The following MSRA variants were observed in gnomAD, a reference collection of about 807,000 sequenced individuals.
MSRA encodes mitochondrial peptide methionine sulfoxide reductase.
Under a neutral mutation model 31.3 loss-of-function variants are expected in MSRA, and 54 were observed. The observed-to-expected ratio is 1.73, with a 90% CI of 1.39 to 2.17. The LOEUF is 2.17. MSRA is among the 30% of genes most tolerant of loss of function. MSRA has a pLI of 0.00. For synonymous variants in MSRA, 169 were observed against 116.5 expected (o/e 1.45, Z -2.90); for missense variants, 507 against 300.9 (o/e 1.69, Z -5.07).
intron 3 of MSRA, among the ~76,000 whole-genome samples, chr8:10,250,158 A>C (rs945378889): frequency 2.0e-5 from 3 of 152,162 alleles, no homozygotes; most frequent in Non-Finnish European, 4.4e-5. Flanking sequence ...ATGCAAACCA[A>C]CTGATTAACT....
At chr8:10,269,387 A>T (rs555418836) in intron 3 of MSRA, among the ~76,000 whole-genome samples, 227 of 152,328 alleles carry the variant, frequency 1.5e-3, no homozygotes, top group African/African-American at 5.4e-3. Context: ...ATGTCATGAT[A>T]TATAGGCCTA....
intron 1 of MSRA, among the ~76,000 whole-genome samples, chr8:10,133,132 T>C (rs1802020045): frequency 6.6e-6 from 1 of 152,196 alleles, no homozygotes; most frequent in Non-Finnish European, 1.5e-5. Flanking sequence ...GGATCAATTG[T>C]TGATGAGGTA....
intron 1 of MSRA, among the ~76,000 whole-genome samples, chr8:10,076,920 A>G (rs567022263): frequency 6.6e-6 from 1 of 151,332 alleles, no homozygotes; most frequent in East Asian, 1.9e-4. Flanking sequence ...AGAACATTAG[A>G]AAAAAAAAGC....
intron 1 of MSRA, among the ~76,000 whole-genome samples, chr8:10,143,950 G>A (rs981570129): frequency 6.6e-6 from 1 of 152,112 alleles, no homozygotes; most frequent in Admixed American, 6.5e-5. Flanking sequence ...AAGAAGCAGG[G>A]GAGACCAAGA....
chr8:10,324,657 G>A (rs1802259271), intron 5 of MSRA, among the ~76,000 whole-genome samples: 1 of 152,270 alleles, frequency 6.6e-6, no homozygotes, highest in African/African-American at 2.4e-5. Context: ...CTTAGCCTGG[G>A]TCCCACAGAA....
intron 2 of MSRA, among the ~76,000 whole-genome samples, chr8:10,238,078 A>T (rs1342951711): frequency 6.6e-6 from 1 of 152,182 alleles, no homozygotes; most frequent in Non-Finnish European, 1.5e-5. Context: ...TATCTGGCTT[A>T]TCTGATCTTT....
At chr8:10,265,862 C>A (rs1248257915) in intron 3 of MSRA, among the ~76,000 whole-genome samples, 3 of 152,216 alleles carry the variant, frequency 2.0e-5, no homozygotes, top group Non-Finnish European at 4.4e-5. Flanking sequence ...TGGAATCACA[C>A]AGATTTCTTT....
At position 10,428,251 on chromosome 8, in the gene MSRA, C is replaced by T; in HGVS notation, c.647C>T (p.Pro216Leu). ...CACCAGCAGTACCTGAGCAAGAACCCCAATGGCTACTGCGGCCTTGGGGGC... is the reference window on the plus strand; with the variant it reads ...CACCAGCAGTACCTGAGCAAGAACCTCAATGGCTACTGCGGCCTTGGGGGC... Reference protein sequence around the residue: ...DYHQQYLSKNPNGYCGLGGTG... With the variant: ...DYHQQYLSKNLNGYCGLGGTG... The change falls in exon 6 of 6, where the codon CCC becomes CTC. Residue 216 changes from proline to leucine, a missense_variant. Physicochemically the swap from Pro to Leu is moderately conservative, Grantham distance 98. Transcript: ENST00000317173. 1 of 1,614,188 alleles carries T rather than the reference C, an allele frequency of 6.2e-7. No homozygotes were observed. Among genetic ancestry groups the T allele is most frequent in the Admixed American group, 1.7e-5 (1 of 60,036 alleles).
chr8:10,157,329 C>T (rs529935376), intron 1 of MSRA, among the ~76,000 whole-genome samples: 8 of 152,286 alleles, frequency 5.3e-5, no homozygotes, highest in African/African-American at 1.9e-4. Context: ...CTTCTGCTTC[C>T]AGTTCTCTCA....
At chr8:10,296,633 G>C (rs1800557706) in intron 3 of MSRA, among the ~76,000 whole-genome samples, 1 of 152,178 alleles carries the variant, frequency 6.6e-6, no homozygotes, top group Non-Finnish European at 1.5e-5. Flanking sequence ...AAGATGTAGA[G>C]ACTTAAGTCC....
intron 1 of MSRA, among the ~76,000 whole-genome samples, chr8:10,109,907 G>A (rs963797308): frequency 2.0e-5 from 3 of 152,160 alleles, no homozygotes; most frequent in Admixed American, 6.5e-5. Flanking sequence ...TTTTAACACC[G>A]CTAGTCTGTG....
At chr8:10,120,513 G>A (rs1801031173) in intron 1 of MSRA, among the ~76,000 whole-genome samples, 1 of 152,210 alleles carries the variant, frequency 6.6e-6, no homozygotes, top group African/African-American at 2.4e-5. Flanking sequence ...AAGCTAAAAT[G>A]TTTTGGATTC....
intron 1 of MSRA, among the ~76,000 whole-genome samples, chr8:10,145,919 C>T (rs11984513): frequency 0.9 from 137,012 of 152,248 alleles, 61,765 homozygotes; most frequent in East Asian, 0.96. Context: ...GGGAAAAAAA[C>T]AAGGATTTGG....
chr8:10,350,892 G>C (rs1213959903), intron 5 of MSRA, among the ~76,000 whole-genome samples: 4 of 152,240 alleles, frequency 2.6e-5, no homozygotes, highest in African/African-American at 9.6e-5. Context: ...AGGGGAAGTG[G>C]CAAGTCCAAG....
At chr8:10,386,470 G>GTC (rs1199541161) in intron 5 of MSRA, among the ~76,000 whole-genome samples, 1 of 152,218 alleles carries the variant, frequency 6.6e-6, no homozygotes, top group African/African-American at 2.4e-5. Flanking sequence ...AGACAAAGCA[G>GTC]TCTAACAACA....
chr8:10,244,904 A>T (rs990832761), intron 2 of MSRA, among the ~76,000 whole-genome samples, 200 bp from the exon 3 acceptor site: 1 of 152,194 alleles, frequency 6.6e-6, no homozygotes, highest in Admixed American at 6.5e-5. Flanking sequence ...GAGATATTCT[A>T]TGCAAATAAT....
intron 5 of MSRA, among the ~76,000 whole-genome samples, chr8:10,343,049 A>G (rs1174794044): frequency 1.9e-5 from 1 of 52,846 alleles, no homozygotes; most frequent in Non-Finnish European, 3.7e-5. Context: ...ACACACACAC[A>G]CACAGACACA....
chr8:10,147,406 G>A (rs1003588076), intron 1 of MSRA, among the ~76,000 whole-genome samples: 6 of 152,294 alleles, frequency 3.9e-5, no homozygotes, highest in Middle Eastern at 3.4e-3. Context: ...CCTTCACCAC[G>A]TAGGCCTCAC....
intron 5 of MSRA, among the ~76,000 whole-genome samples, chr8:10,406,004 C>A (rs1021009115): frequency 6.6e-6 from 1 of 152,254 alleles, no homozygotes; most frequent in Non-Finnish European, 1.5e-5. Context: ...CACCATCTGT[C>A]CTCCAGGGTA....
Sources: allele counts gnomAD v4.1 joint callset (sites outside exome capture counted in the v4.1 genomes callset), GRCh38; gene constraint gnomAD v4.1.1; transcripts MANE v1.5; gene names NCBI Gene and HGNC (gene_info 2026-07-23, HGNC 2026-07-21).